MYOM1: variants seen among roughly 807,000 people sequenced by gnomAD.
MYOM1 encodes myomesin 1.
Under a neutral mutation model 205.3 loss-of-function variants are expected in MYOM1, and 164 were observed. The ratio of observed to expected loss-of-function variants is 0.80; its 90% CI spans 0.70 to 0.91. The LOEUF (loss-of-function observed/expected upper bound fraction) is 0.91. Ranked by LOEUF, MYOM1 falls within the 40% of genes least tolerant of loss-of-function variation. The pLI is 0.00. For missense variants in MYOM1, 2,011 were observed against 2,127.3 expected (o/e 0.95, Z 1.08); for synonymous variants, 772 against 789.4 (o/e 0.98, Z 0.37).
chr18:3,089,703 T>C, intron 27 of MYOM1, 107 bp from the exon 28 acceptor site: 2 of 768,478 alleles, frequency 2.6e-6, no homozygotes, highest in East Asian at 2.9e-5. Context: ...CACTCATACA[T>C]TGTGACAACC....
At chr18:3,173,609 T>TGTGC (rs1325213204) in intron 8 of MYOM1, among the ~76,000 whole-genome samples, 1 of 147,042 alleles carries the variant, frequency 6.8e-6, no homozygotes, top group Non-Finnish European at 1.5e-5. Flanking sequence ...TGTGTGTGTG[T>TGTGC]GTGTGTGTGT....
chr18:3,139,248 T>C (rs2080015326), intron 14 of MYOM1, among the ~76,000 whole-genome samples: 1 of 152,236 alleles, frequency 6.6e-6, no homozygotes, highest in African/African-American at 2.4e-5. Flanking sequence ...TCGTTCCTGC[T>C]GTTAACGAGT....
rs568479442 is a variant in MYOM1, at chr18:3,210,108, T to C, written c.290+4826A>G. On this transcript the variant is annotated intron_variant, in intron 2 of 37. Coordinates refer to ENST00000356443, the MANE Select transcript of MYOM1 (RefSeq NM_003803.4). ...TTTCCTCATTTTACAGAAATAGATA[T>C]GTAGAAAATGACATGAATCTACAGC... 3.9e-5 allele frequency among the ~76,000 whole-genome samples: 6 copies of C among 152,334 alleles called. No homozygotes were observed. In the South Asian group the frequency reaches 1.2e-3, roughly 32 times the overall value.
chr18:3,071,647 G>C (rs906459197), intron 37 of MYOM1, among the ~76,000 whole-genome samples, 187 bp downstream of exon 37: 1 of 152,198 alleles, frequency 6.6e-6, no homozygotes, highest in Non-Finnish European at 1.5e-5. Context: ...GTGAGCCATC[G>C]TGCCTGGCCA....
chr18:3,146,097 A>G (rs1057319950), intron 13 of MYOM1, among the ~76,000 whole-genome samples: 3 of 152,236 alleles, frequency 2.0e-5, no homozygotes, highest in Admixed American at 2.0e-4. Flanking sequence ...TTTGCAGTAT[A>G]AAAGCTTCCC....
intron 17 of MYOM1, 84 bp from the exon 18 acceptor site, chr18:3,129,603 C>T: frequency 7.1e-7 from 1 of 1,406,412 alleles, no homozygotes; most frequent in Non-Finnish European, 9.5e-7. Flanking sequence ...AAGAGAAAAA[C>T]ATTAGGACCA....
Position 3,102,471 on chromosome 18 carries a change from T to C in MYOM1, c.3575+3A>G. 6.2e-7 allele frequency: 1 copy of C among 1,609,856 alleles called. No individual in the cohort carries two copies. The highest frequency in any genetic ancestry group is 8.5e-7 in the Non-Finnish European group (1 of 1,177,738). ...CCATGATTGTGATTGACATAGTCCT[T>C]ACTTGTTGCCCTTGCTTTCGACTTC... On this transcript the variant is annotated splice_donor_region_variant and intron_variant, in intron 23 of 37. Transcript: ENST00000356443.
At position 3,142,064 on chromosome 18, in the gene MYOM1, C is replaced by T; in HGVS notation, c.1901-1G>A. 1 of 1,612,530 alleles carries T rather than the reference C, an allele frequency of 6.2e-7. No homozygotes were observed. The highest frequency in any genetic ancestry group is 1.1e-5 in the South Asian group (1 of 90,990). On this transcript the variant is annotated splice_acceptor_variant, in intron 13 of 37. Coordinates refer to ENST00000356443, the MANE Select transcript of MYOM1 (RefSeq NM_003803.4). LOFTEE classifies it high-confidence loss of function. The stretch of plus-strand genomic sequence containing the variant: ...GTCGGGGGGCCAGGCACAATACCCT[C>T]TGAAAAACAACAAGGAAAAATGAGA...
At chr18:3,140,081 A>T (rs968554130) in intron 14 of MYOM1, among the ~76,000 whole-genome samples, 2 of 151,844 alleles carry the variant, frequency 1.3e-5, no homozygotes, top group African/African-American at 4.8e-5. Flanking sequence ...TTGATCCACC[A>T]CTCTATTTTT....
chr18:3,090,271 G>A (rs887781817), intron 27 of MYOM1, among the ~76,000 whole-genome samples: 1 of 145,458 alleles, frequency 6.9e-6, no homozygotes, highest in African/African-American at 2.6e-5. Flanking sequence ...CCAGGCTGGA[G>A]TGCAGTGGTG....
chr18:3,079,695 C>T (rs1477324435), intron 33 of MYOM1, among the ~76,000 whole-genome samples: 1 of 152,106 alleles, frequency 6.6e-6, no homozygotes, highest in Non-Finnish European at 1.5e-5. Flanking sequence ...GGCCAAACTA[C>T]ATACTATTTT....
intron 12 of MYOM1, among the ~76,000 whole-genome samples, 185 bp downstream of exon 12, chr18:3,151,509 C>T (rs1487043619): frequency 7.5e-6 from 1 of 133,742 alleles, no homozygotes; most frequent in African/African-American, 2.7e-5. Flanking sequence ...AAATAAAACC[C>T]TTAAGAGAAT....
rs749042046 is a variant in MYOM1, at chr18:3,215,005, G to A, written c.219C>T (p.Ala73=). ...RASASSSQQQ[A]SQHALSSEVS... ...CTTCAGAGCTCAGGGCGTGCTGCGA[G>A]GCCTGCTGCTGGGAGGAGGAGGCGG... Residue 73 remains alanine, a synonymous_variant, in exon 2 of 38, where the codon GCC becomes GCT. Transcript: ENST00000356443. The A allele has an allele frequency of 4.3e-6, 7 of 1,612,068 alleles. No homozygotes were observed. The South Asian group carries it at 7.7e-5, about 18-fold the overall frequency.
At chr18:3,233,840 T>A in the MYOM1 span, among the ~76,000 whole-genome samples, 2 of 152,180 alleles carry the variant, frequency 1.3e-5, no homozygotes, top group African/African-American at 4.8e-5. Context: ...TACAGACTCT[T>A]TTTCCGGGAA....
At chr18:3,071,936 GCGGTCATA>G in intron 36 of MYOM1, 47 bp from the exon 37 acceptor site, 3 of 1,552,402 alleles carry the variant, frequency 1.9e-6, no homozygotes, top group Non-Finnish European at 2.6e-6. Context: ...GGCAAGGCCA[GCGGTCATA>G]CTCACAAAAC....
At chr18:3,134,936 AC>A (rs1598708864) in intron 15 of MYOM1, 112 bp from the exon 16 acceptor site, 1 of 1,084,624 alleles carries the variant, frequency 9.2e-7, no homozygotes, top group African/African-American at 1.6e-5. Flanking sequence ...TGTCAAAAGA[AC>A]AGCTGCTTTA....
At chr18:3,215,535 C>T (rs1223240187) in intron 1 of MYOM1, among the ~76,000 whole-genome samples, 1 of 151,742 alleles carries the variant, frequency 6.6e-6, no homozygotes, top group African/African-American at 2.4e-5. Flanking sequence ...CCCAAGACTT[C>T]GAGGCTGCAG....
intron 4 of MYOM1, among the ~76,000 whole-genome samples, chr18:3,187,897 T>C (rs2080844071): frequency 6.7e-6 from 1 of 148,820 alleles, no homozygotes; most frequent in South Asian, 2.2e-4. Flanking sequence ...TGGAGTGCAC[T>C]GGTGCAACCT....
rs1459881166 is a variant in MYOM1, at chr18:3,205,198, T to C, written c.290+9736A>G. 2.0e-5 allele frequency among the ~76,000 whole-genome samples: 3 copies of C among 152,082 alleles called. No individual in the cohort carries two copies. In the East Asian group the frequency reaches 5.8e-4, roughly 29 times the overall value. ...CTTAGATAAAATACCAAAAGCATGA[T>C]TTGAAAGGAACAAAATTGTTGAACT... is the stretch of plus-strand genomic sequence containing the variant. On this transcript the variant is annotated intron_variant, in intron 2 of 37. Transcript: ENST00000356443.
Sources: gnomAD v4.1 joint callset for allele counts (sites outside exome capture counted in the v4.1 genomes callset) on GRCh38, gnomAD v4.1.1 for gene constraint, MANE v1.5 for transcripts, NCBI Gene and HGNC (gene_info 2026-07-23, HGNC 2026-07-21) for gene names.